FAF1: variants seen among roughly 807,000 people sequenced by gnomAD.
The protein encoded by FAF1 is Fas associated factor 1.
FAF1 carries 25 observed loss-of-function variants against 92.5 expected under a neutral mutation model. The ratio of observed to expected loss-of-function variants is 0.27; its 90% CI spans 0.20 to 0.38. The LOEUF is 0.38. FAF1 is among the 10% of genes least tolerant of loss of function. The pLI, the probability that FAF1 is intolerant of heterozygous loss-of-function variation, is 1.00. For missense variants in FAF1, 636 were observed against 793.3 expected, an observed-to-expected ratio of 0.80 and a Z score of 2.38; for synonymous variants, 234 against 273.2, an observed-to-expected ratio of 0.86 and a Z score of 1.42.
At chr1:50,958,832 G>A (rs1250123662) in intron 1 of FAF1, among the ~76,000 whole-genome samples, 1 of 152,162 alleles carries the variant, frequency 6.6e-6, no homozygotes, top group Admixed American at 6.5e-5. Context: ...AGAGGGAAAA[G>A]TCTGCCTATA....
At chr1:50,486,329 C>T (rs1646768307) in intron 17 of FAF1, among the ~76,000 whole-genome samples, 1 of 152,174 alleles carries the variant, frequency 6.6e-6, no homozygotes, top group South Asian at 2.1e-4. Flanking sequence ...AGCCATAGCT[C>T]TAATAATTCG....
intron 2 of FAF1, among the ~76,000 whole-genome samples, chr1:50,848,985 G>A (rs538404600): frequency 1.2e-4 from 19 of 152,290 alleles, no homozygotes; most frequent in Non-Finnish European, 2.4e-4. Flanking sequence ...TAAGCCAGGC[G>A]CAGTGGCTCA....
At chr1:50,556,662 C>T (rs1364118172) in intron 13 of FAF1, among the ~76,000 whole-genome samples, 1 of 151,732 alleles carries the variant, frequency 6.6e-6, no homozygotes, top group Non-Finnish European at 1.5e-5. Flanking sequence ...ATGGTGAGAC[C>T]CCGTGTCTAC....
intron 1 of FAF1, among the ~76,000 whole-genome samples, chr1:50,886,537 C>A (rs958018325): frequency 2.0e-5 from 3 of 152,000 alleles, no homozygotes; most frequent in Non-Finnish European, 4.4e-5. Flanking sequence ...ACTCCCCCCA[C>A]CCCACAACAG....
At chr1:50,538,033 T>C (rs1484571362) in intron 14 of FAF1, among the ~76,000 whole-genome samples, 1 of 152,040 alleles carries the variant, frequency 6.6e-6, no homozygotes, top group Non-Finnish European at 1.5e-5. Context: ...ATAACATACA[T>C]TGGTCATTTG....
chr1:50,760,140 T>C (rs1324304191), intron 4 of FAF1, among the ~76,000 whole-genome samples: 3 of 152,274 alleles, frequency 2.0e-5, no homozygotes, highest in East Asian at 1.9e-4. Context: ...GAGCTAACTA[T>C]CCTAAATATA....
chr1:50,752,181 G>T (rs1254377140), intron 4 of FAF1, among the ~76,000 whole-genome samples: 1 of 152,140 alleles, frequency 6.6e-6, no homozygotes, highest in Non-Finnish European at 1.5e-5. Context: ...CTGTTGGCCA[G>T]GCTGGTCTCG....
At chr1:50,935,222 C>A (rs1302032082) in intron 1 of FAF1, among the ~76,000 whole-genome samples, 3 of 152,130 alleles carry the variant, frequency 2.0e-5, no homozygotes, top group Non-Finnish European at 4.4e-5. Context: ...ATGCTGCCAT[C>A]AATTAATGCC....
chr1:50,507,819 G>A (rs1210633850), intron 15 of FAF1, among the ~76,000 whole-genome samples: 1 of 152,178 alleles, frequency 6.6e-6, no homozygotes, highest in East Asian at 1.9e-4. Flanking sequence ...AATCAGGATA[G>A]AATTAAAATT....
At chr1:50,738,366 C>A (rs1448262707) in intron 6 of FAF1, among the ~76,000 whole-genome samples, 2 of 151,016 alleles carry the variant, frequency 1.3e-5, no homozygotes, top group South Asian at 4.2e-4. Context: ...TCACTTGAAT[C>A]CGGGAGGCAG....
intron 15 of FAF1, among the ~76,000 whole-genome samples, chr1:50,526,677 C>T (rs945073628): frequency 1.3e-5 from 2 of 151,880 alleles, no homozygotes; most frequent in African/African-American, 4.8e-5. Context: ...CACAGGTTTT[C>T]ATTTCTCTTG....
Position 50,678,746 on chromosome 1 carries a change from C to T in FAF1, c.658-23218G>A, listed in dbSNP as rs556463089. Among the ~76,000 whole-genome samples, 18 of 130,730 alleles carry T rather than the reference C, an allele frequency of 1.4e-4. No individual in the cohort carries two copies. The East Asian group carries it at 4.1e-3, about 30-fold the overall frequency. 85.8% of individuals were successfully genotyped at this position (130,730 alleles called of 152,430 possible). Reference sequence around the variant, plus strand: ...AGTGAACCGAGACTGTGCCACTGCACTCCAGACTGGTGACAGAGAGACTCC... The same window carrying T: ...AGTGAACCGAGACTGTGCCACTGCATTCCAGACTGGTGACAGAGAGACTCC... On this transcript the variant is annotated intron_variant, in intron 7 of 18. Transcript: ENST00000396153.
chr1:50,490,459 GGAA>G (rs1646822597), intron 17 of FAF1, 126 bp downstream of exon 17: 5 of 202,174 alleles, frequency 2.5e-5, no homozygotes, highest in Admixed American at 1.8e-4. Context: ...AAGGAAGGAA[GGAA>G]AAAGAAAGAA....
intron 4 of FAF1, among the ~76,000 whole-genome samples, chr1:50,757,485 T>C (rs1660121786): frequency 1.3e-5 from 2 of 152,216 alleles, no homozygotes; most frequent in South Asian, 4.1e-4. Flanking sequence ...AATCTACAGT[T>C]TCATTATTAT....
chr1:50,664,854 T>A lies in FAF1; in HGVS notation c.658-9326A>T, dbSNP rs147554327. On this transcript the variant is annotated intron_variant, in intron 7 of 18. Transcript: ENST00000396153. Reference sequence around the variant, plus strand: ...TTATGTTTTCCTATCGTAGGCTAGCTGAAACAAGGCCCAAAAGAAATAGGT... The same window carrying A: ...TTATGTTTTCCTATCGTAGGCTAGCAGAAACAAGGCCCAAAAGAAATAGGT... Among the ~76,000 whole-genome samples the A allele has an allele frequency of 2.7e-3, 411 of 152,256 alleles. 5 individuals are homozygous for A. Among genetic ancestry groups the A allele is most frequent in the Non-Finnish European group, 1.0e-3 (68 of 68,028 alleles).
intron 17 of FAF1, among the ~76,000 whole-genome samples, chr1:50,478,339 T>C (rs1003754571): frequency 2.0e-5 from 3 of 151,988 alleles, no homozygotes; most frequent in Non-Finnish European, 4.4e-5. Context: ...AATTTTTGTA[T>C]TTTAGTAGAG....
chr1:50,691,600 T>G (rs547272283), intron 7 of FAF1, among the ~76,000 whole-genome samples: 3 of 152,004 alleles, frequency 2.0e-5, no homozygotes, highest in South Asian at 4.2e-4. Context: ...TTTGCTTTTT[T>G]CTTTTTTTGA....
intron 1 of FAF1, among the ~76,000 whole-genome samples, chr1:50,917,694 G>C (rs1433309858): frequency 7.7e-6 from 1 of 129,082 alleles, no homozygotes; most frequent in Non-Finnish European, 1.7e-5. Flanking sequence ...GAAAGGAAAG[G>C]AAAGGAAAAG....
chr1:50,724,312 C>CACACAT lies in FAF1; in HGVS notation c.551+14550_551+14551insATGTGT, dbSNP rs1365229829. Among the ~76,000 whole-genome samples the CACACAT allele has an allele frequency of 5.3e-4, 56 of 104,986 alleles. 1 individual carries two copies. The Middle Eastern group carries it at 0.033, about 62-fold the overall frequency. 68.9% of individuals were successfully genotyped at this position (104,986 alleles called of 152,430 possible). ...ACACACACATACACACACACACACA[C>CACACAT]ACACACACACACACACACCCCTGCT... On this transcript the variant is annotated intron_variant, in intron 6 of 18. Coordinates refer to ENST00000396153, the MANE Select transcript of FAF1 (RefSeq NM_007051.3).
Sources: allele counts gnomAD v4.1 joint callset (sites outside exome capture counted in the v4.1 genomes callset), GRCh38; gene constraint gnomAD v4.1.1; transcripts MANE v1.5; gene names NCBI Gene and HGNC (gene_info 2026-07-23, HGNC 2026-07-21).